SLC26A8: variants seen among roughly 807,000 people sequenced by gnomAD.
SLC26A8 encodes the protein solute carrier family 26 member 8.
In SLC26A8, 70 loss-of-function variants were observed where a neutral mutation model predicts 105.0. That is an observed-to-expected ratio of 0.67 (90% CI 0.55 to 0.81). SLC26A8 has a LOEUF of 0.81. Among genes scored for constraint, SLC26A8 ranks in the 40% least tolerant of loss-of-function variants. The pLI, the probability that SLC26A8 is intolerant of heterozygous loss-of-function variation, is 0.00. For synonymous variants in SLC26A8, 415 were observed against 438.3 expected (o/e 0.95, Z 0.66); for missense variants, 998 against 1,181.8 (o/e 0.84, Z 2.28).
chr6:35,954,630 C>T (rs1244533798), intron 17 of SLC26A8, among the ~76,000 whole-genome samples: 2 of 152,152 alleles, frequency 1.3e-5, no homozygotes, highest in African/African-American at 4.8e-5. Context: ...CCAAACCAAC[C>T]GCAGCTCAAT....
intron 7 of SLC26A8, among the ~76,000 whole-genome samples, 162 bp from the exon 8 acceptor site, chr6:35,982,365 C>T (rs970533494): frequency 2.6e-5 from 4 of 152,150 alleles, no homozygotes; most frequent in African/African-American, 4.8e-5. Context: ...GCTAGTTCAG[C>T]GGAGCAAGGC....
rs1343195080 is a variant in SLC26A8 at position 35,943,731 on chromosome 6, G to C, written c.*169C>G. The C allele has an allele frequency of 3.5e-5, 32 of 918,178 alleles. No individual in the cohort carries two copies. In the Admixed American group the frequency reaches 9.4e-4, roughly 27 times the overall value. 56.9% of individuals were successfully genotyped at this position (918,178 alleles called of 1,614,324 possible). ...GTTGGCATTTAGTAATGTGATTTGG[G>C]AGTATGATCCCAGCGCAGAGCAAGG... On this transcript the variant is annotated 3_prime_UTR_variant, in exon 20 of 20. Transcript: ENST00000490799.
intron 9 of SLC26A8, among the ~76,000 whole-genome samples, chr6:35,976,738 G>A (rs1041045433): frequency 4.0e-5 from 6 of 151,704 alleles, no homozygotes; most frequent in Admixed American, 6.6e-5. Context: ...TAGAGACAGG[G>A]TTTCACCGTG....
chr6:35,959,059 A>G (rs188367766), intron 16 of SLC26A8, among the ~76,000 whole-genome samples: 1 of 152,302 alleles, frequency 6.6e-6, no homozygotes, highest in African/African-American at 2.4e-5. Flanking sequence ...AAGCCCAGCA[A>G]CCTTGACCTT....
chr6:35,960,593 T>A (rs1039176498), intron 14 of SLC26A8: 2 of 415,888 alleles, frequency 4.8e-6, no homozygotes, highest in African/African-American at 4.1e-5. Context: ...CAGGTGGAGG[T>A]TGCAGTAAGC....
At position 35,982,206 on chromosome 6, in the gene SLC26A8, G is replaced by T; in HGVS notation, c.943-3C>A. 5 of 1,613,866 alleles carry T rather than the reference G, an allele frequency of 3.1e-6. No individual in the cohort carries two copies. The highest frequency in any genetic ancestry group is 4.2e-6 in the Non-Finnish European group (5 of 1,179,916). On this transcript the variant is annotated splice_polypyrimidine_tract_variant and splice_region_variant and intron_variant, in intron 7 of 19. Coordinates refer to ENST00000490799, the MANE Select transcript of SLC26A8 (RefSeq NM_052961.4). ...GCAATCACAGTGAAGCCAATAATCT[G>T]TAGGGGGTAAAAAAAGAAGGGATGG...
chr6:36,007,840 G>T (rs1349022439), intron 3 of SLC26A8, among the ~76,000 whole-genome samples: 1 of 152,130 alleles, frequency 6.6e-6, no homozygotes, highest in Non-Finnish European at 1.5e-5. Context: ...TGGTGTTGAG[G>T]CTGGGCGCGG....
At chr6:35,962,143 T>G (rs967592541) in intron 12 of SLC26A8, among the ~76,000 whole-genome samples, 2 of 151,944 alleles carry the variant, frequency 1.3e-5, no homozygotes, top group Non-Finnish European at 2.9e-5. Context: ...GGAGAATCAC[T>G]TGAACCCGGG....
At chr6:35,960,685 G>T in intron 14 of SLC26A8, 158 bp downstream of exon 14, 6 of 694,204 alleles carry the variant, frequency 8.6e-6, no homozygotes, top group Non-Finnish European at 9.7e-6. Flanking sequence ...TAAAAACAAA[G>T]AACCCATCTC....
chr6:36,014,314 A>G (rs1292940987), intron 2 of SLC26A8, among the ~76,000 whole-genome samples: 1 of 152,186 alleles, frequency 6.6e-6, no homozygotes. Flanking sequence ...CGGAGTGATG[A>G]GGCTTTAAGA....
chr6:35,983,683 C>G (rs1773371743), intron 7 of SLC26A8, among the ~76,000 whole-genome samples: 2 of 152,082 alleles, frequency 1.3e-5, no homozygotes, highest in African/African-American at 2.4e-5. Context: ...TCCTAAGTAG[C>G]TGGGATTACA....
At chr6:35,953,188 CTGAAAG>C (rs1342436494) in intron 17 of SLC26A8, among the ~76,000 whole-genome samples, 5 of 152,114 alleles carry the variant, frequency 3.3e-5, no homozygotes, top group Non-Finnish European at 7.4e-5. Context: ...TCTCTGAAGG[CTGAAAG>C]TGAAAGGCGT....
Position 35,955,353 on chromosome 6 carries a change from A to C in SLC26A8, c.2031T>G (p.Tyr677Ter), listed in dbSNP as rs758016136. Residue 677 changes from tyrosine to a stop codon, truncating the protein, a stop_gained, in exon 17 of 20, where the codon TAT (tyrosine) becomes TAG (stop). Coordinates refer to ENST00000490799, the MANE Select transcript of SLC26A8 (RefSeq NM_052961.4). LOFTEE classifies it high-confidence loss of function. ...SVSQKNQGQQ[Y>*]EEVEEVWLPN... ...GAAGCCAAACTTCCTCCACCTCCTCATACTGTTGCCCTTGATTTTTCTGAG... is the reference window on the plus strand; with the variant it reads ...GAAGCCAAACTTCCTCCACCTCCTCCTACTGTTGCCCTTGATTTTTCTGAG... 1.2e-6 allele frequency: 2 copies of C among 1,614,198 alleles called. No homozygotes were observed. The highest frequency in any genetic ancestry group is 1.7e-6 in the Non-Finnish European group (2 of 1,180,034).
At position 36,012,349 on chromosome 6, in the gene SLC26A8, C is replaced by A. The variant is rs116146081; in HGVS notation, c.212G>T (p.Arg71Leu). 7 of 1,597,048 alleles carry A rather than the reference C, an allele frequency of 4.4e-6. No homozygotes were observed. The highest frequency in any genetic ancestry group is 2.3e-5 in the East Asian group (1 of 44,088). The change falls in exon 3 of 20, where the codon CGA becomes CTA. Residue 71 changes from arginine (R) to leucine (L), a missense_variant. Arg to Leu is a moderately radical substitution (Grantham distance 102). Transcript: ENST00000490799. ...QCRCSWHRFL[R>L]CVLTIFPFLE... is the part of the protein sequence containing the mutation. Reference sequence around the variant, plus strand: ...GAAGGGAAAGATTGTAAGCACGCATCGTAGGAACCTGTGCCATGAGCAGCT... The same window carrying A: ...GAAGGGAAAGATTGTAAGCACGCATAGTAGGAACCTGTGCCATGAGCAGCT...
chr6:35,956,710 A>G (rs987004587), intron 16 of SLC26A8, among the ~76,000 whole-genome samples: 4 of 152,180 alleles, frequency 2.6e-5, no homozygotes, highest in Non-Finnish European at 5.9e-5. Flanking sequence ...ATCTGAGGTC[A>G]GGAGTTCGAG....
intron 10 of SLC26A8, chr6:35,969,891 A>T (rs1772721500): frequency 6.6e-6 from 1 of 152,220 alleles, no homozygotes; most frequent in Non-Finnish European, 1.5e-5. Context: ...AGTTGGGTTG[A>T]CTACTTTGGG....
chr6:35,997,134 C>G (rs1459365337), intron 5 of SLC26A8, among the ~76,000 whole-genome samples: 1 of 152,126 alleles, frequency 6.6e-6, no homozygotes, highest in Non-Finnish European at 1.5e-5. Context: ...CCGACCAGTA[C>G]TGGTACTGGT....
chr6:36,014,789 C>T (rs1761952352), intron 2 of SLC26A8, among the ~76,000 whole-genome samples: 1 of 151,964 alleles, frequency 6.6e-6, no homozygotes, highest in Admixed American at 6.6e-5. Flanking sequence ...TCGCTTGAAC[C>T]CGGGAGGCTG....
intron 5 of SLC26A8, among the ~76,000 whole-genome samples, chr6:35,993,901 A>G (rs552887586): frequency 2.6e-5 from 4 of 152,136 alleles, no homozygotes; most frequent in South Asian, 4.2e-4. Flanking sequence ...GTAGGTTAAG[A>G]AAACTGGCAC....
Sources: allele counts gnomAD v4.1 joint callset (sites outside exome capture counted in the v4.1 genomes callset), GRCh38; gene constraint gnomAD v4.1.1; transcripts MANE v1.5; gene names NCBI Gene and HGNC (gene_info 2026-07-23, HGNC 2026-07-21).